The following CUX1 variants were observed in gnomAD, a reference collection of about 807,000 sequenced individuals.
CUX1 encodes the protein cut like homeobox 1.
Under a neutral mutation model 158.8 loss-of-function variants are expected in CUX1, and 31 were observed. The observed-to-expected ratio is 0.20, with a 90% confidence interval of 0.15 to 0.26. The LOEUF is 0.26. CUX1 is among the 10% of genes least tolerant of loss of function. The probability of loss-of-function intolerance (pLI) is 1.00; values close to 1 mark genes in which losing one functional copy is unlikely to be tolerated. For synonymous variants in CUX1, 879 were observed against 862.1 expected, an observed-to-expected ratio of 1.02 and a Z score of -0.34; for missense variants, 1,589 against 2,014.6, an observed-to-expected ratio of 0.79 and a Z score of 4.04.
At chr7:101,936,200 G>C (rs1325601570) in intron 2 of CUX1, among the ~76,000 whole-genome samples, 3 of 146,184 alleles carry the variant, frequency 2.1e-5, no homozygotes, top group Non-Finnish European at 4.5e-5. Flanking sequence ...GGGGCATAGA[G>C]ACAGTGGGTT....
intron 8 of CUX1, among the ~76,000 whole-genome samples, chr7:102,126,752 G>A (rs925588370): frequency 6.6e-6 from 1 of 152,144 alleles, no homozygotes; most frequent in South Asian, 2.1e-4. Context: ...CAGTGCAGTG[G>A]GGGGCGCGGT....
At chr7:102,239,952 G>A (rs1800010690) in intron 23 of CUX1, among the ~76,000 whole-genome samples, 1 of 151,990 alleles carries the variant, frequency 6.6e-6, no homozygotes, top group African/African-American at 2.4e-5. Flanking sequence ...TCACTATGTT[G>A]GTCAGGCTTG....
At chr7:102,117,397 CAAAAA>C (rs10633602) in intron 8 of CUX1, among the ~76,000 whole-genome samples, 6 of 46,674 alleles carry the variant, frequency 1.3e-4, no homozygotes, top group Admixed American at 1.1e-3. Context: ...GACTCCATCG[CAAAAA>C]AAAAAAAAAA....
At position 102,028,158 on chromosome 7, in the gene CUX1, A is replaced by T; in HGVS notation, c.189+13A>T. On this transcript the variant is annotated intron_variant, in intron 3 of 23. Coordinates refer to ENST00000292535, the MANE Select transcript of CUX1 (RefSeq NM_181552.4). ...TTTCCAAGGAGAGGTAAGCTTTTCT[A>T]TTCATTTTCTATCCTGAGCCACCCT... is the stretch of plus-strand genomic sequence containing the variant. 1 of 1,613,014 alleles carries T rather than the reference A, an allele frequency of 6.2e-7. No homozygotes were observed. Among genetic ancestry groups the T allele is most frequent in the African/African-American group, 1.3e-5 (1 of 74,954 alleles).
intron 2 of CUX1, among the ~76,000 whole-genome samples, chr7:101,980,895 T>C (rs1448911266): frequency 6.6e-6 from 1 of 152,186 alleles, no homozygotes; most frequent in African/African-American, 2.4e-5. Context: ...GAATCTGGCC[T>C]TTGAGTTCAA....
At chr7:101,967,597 A>C (rs111809925) in intron 2 of CUX1, among the ~76,000 whole-genome samples, 134 of 152,350 alleles carry the variant, frequency 8.8e-4, no homozygotes, top group African/African-American at 3.1e-3. Flanking sequence ...GTATGCGTCA[A>C]TGGTGAAAAA....
intron 2 of CUX1, among the ~76,000 whole-genome samples, chr7:101,922,425 T>A (rs1246721461): frequency 6.6e-6 from 1 of 152,160 alleles, no homozygotes; most frequent in East Asian, 1.9e-4. Context: ...AGTTCTGCTT[T>A]TTGAGCCTTG....
intron 2 of CUX1, among the ~76,000 whole-genome samples, chr7:101,948,368 T>C (rs1808637465): frequency 6.6e-6 from 1 of 152,112 alleles, no homozygotes; most frequent in African/African-American, 2.4e-5. Flanking sequence ...TCTGATGGAG[T>C]GAGAATCCAT....
In CUX1 at chr7:102,030,691, G is replaced by GTTTTTTTTTTTT. The variant is rs71119801; in HGVS notation, c.189+2547_189+2558dup. On this transcript the variant is annotated intron_variant, in intron 3 of 23. Coordinates refer to ENST00000292535, the MANE Select transcript of CUX1 (RefSeq NM_181552.4). The stretch of plus-strand genomic sequence containing the variant: ...TATCTAATTTTCTATTTTAAAAAGT[G>GTTTTTTTTTTTT]TTTTTTTTTTTTGAGACAGGGTCTC... 5.4e-3 allele frequency among the ~76,000 whole-genome samples: 641 copies of GTTTTTTTTTTTT among 119,324 alleles called. 30 individuals carry two copies. The highest frequency in any genetic ancestry group is 0.019 in the East Asian group (70 of 3,636). 78.3% of individuals were successfully genotyped at this position (119,324 alleles called of 152,430 possible).
chr7:101,848,044 CA>C (rs370693788), intron 1 of CUX1, among the ~76,000 whole-genome samples: 661 of 50,646 alleles, frequency 0.013, 9 homozygotes, highest in African/African-American at 0.057. Flanking sequence ...GGCAACAGAG[CA>C]AGACTCAAAA....
intron 20 of CUX1, among the ~76,000 whole-genome samples, chr7:102,215,274 T>C (rs1281683129): frequency 9.0e-6 from 1 of 110,696 alleles, no homozygotes; most frequent in African/African-American, 3.7e-5. Flanking sequence ...CAAAGAAAAA[T>C]CTGTCCAGAG....
chr7:102,257,723 C>G lies in CUX1; in HGVS notation c.*8681C>G. 2 of 985,426 alleles carry G rather than the reference C, an allele frequency of 2.0e-6. No individual in the cohort carries two copies. The highest frequency in any genetic ancestry group is 9.4e-5 in the South Asian group (2 of 21,288). The allele number at this position is 985,426 out of a possible 1,614,324, so 61.0% of individuals were successfully genotyped here. ...CTCAGCTCCCCCCACCCCACCCCCA[C>G]TCTAGCGTTTTGTCACGTCTTACAT... is the stretch of plus-strand genomic sequence containing the variant. On this transcript the variant is annotated 3_prime_UTR_variant, in exon 24 of 24. Transcript: ENST00000292535.
At chr7:101,973,764 CTTTTTCTTTTTT>C (rs1240475917) in intron 2 of CUX1, among the ~76,000 whole-genome samples, 7 of 149,002 alleles carry the variant, frequency 4.7e-5, no homozygotes, top group Admixed American at 2.0e-4. Context: ...TTTTCTTTTT[CTTTTTCTTTTTT>C]TTTTTTTTTT....
chr7:101,926,846 C>A lies in CUX1; in HGVS notation c.141+10621C>A, dbSNP rs140750312. The stretch of plus-strand genomic sequence containing the variant: ...CACAGAGCATATAGTAGGTGCTCAA[C>A]AAACACCCTCCTCTCTTCTTTCCTT... On this transcript the variant is annotated intron_variant, in intron 2 of 23. Coordinates refer to ENST00000292535, the MANE Select transcript of CUX1 (RefSeq NM_181552.4). 4.6e-5 allele frequency among the ~76,000 whole-genome samples: 7 copies of A among 152,284 alleles called. No individual in the cohort carries two copies. In the East Asian group the frequency reaches 5.8e-4, roughly 13 times the overall value.
chr7:102,140,491 C>G (rs1295288218), intron 8 of CUX1, among the ~76,000 whole-genome samples: 1 of 152,002 alleles, frequency 6.6e-6, no homozygotes, highest in Non-Finnish European at 1.5e-5. Context: ...GGCAATCCAC[C>G]TGCCTTAGCC....
chr7:101,886,342 C>T (rs1488014417), intron 1 of CUX1, among the ~76,000 whole-genome samples: 3 of 152,066 alleles, frequency 2.0e-5, no homozygotes, highest in South Asian at 2.1e-4. Flanking sequence ...TATAGGTGTG[C>T]GCCGCCATGC....
chr7:102,228,045 G>C (rs868907773), intron 21 of CUX1, among the ~76,000 whole-genome samples: 4 of 139,390 alleles, frequency 2.9e-5, no homozygotes, highest in African/African-American at 5.4e-5. Flanking sequence ...CTGCCTCCCC[G>C]GTTCAAGTGA....
intron 1 of CUX1, among the ~76,000 whole-genome samples, chr7:101,825,788 T>TGTGTGCGC (rs1324041136): frequency 1.6e-4 from 17 of 105,166 alleles, no homozygotes; most frequent in African/African-American, 5.4e-4. Context: ...TGTGTGTGTG[T>TGTGTGCGC]GTGTGTGTGT....
At chr7:101,893,760 A>G (rs1487025878) in intron 1 of CUX1, among the ~76,000 whole-genome samples, 1 of 152,236 alleles carries the variant, frequency 6.6e-6, no homozygotes, top group Non-Finnish European at 1.5e-5. Context: ...CACTATGTAA[A>G]TGAGAATGAG....
Sources: gnomAD v4.1 joint callset for allele counts (sites outside exome capture counted in the v4.1 genomes callset) on GRCh38, gnomAD v4.1.1 for gene constraint, MANE v1.5 for transcripts, NCBI Gene and HGNC (gene_info 2026-07-23, HGNC 2026-07-21) for gene names.